The following EVL variants were observed in gnomAD, a reference collection of about 807,000 sequenced individuals.
The protein encoded by EVL is ena/VASP-like protein.
EVL carries 21 observed loss-of-function variants against 59.6 expected under a neutral mutation model. The ratio of observed to expected loss-of-function variants is 0.35; its 90% CI spans 0.25 to 0.51. EVL has a LOEUF of 0.51. Among genes scored for constraint, EVL ranks in the 20% least tolerant of loss-of-function variants. The probability of loss-of-function intolerance (pLI) is 0.97; values close to 1 mark genes in which losing one functional copy is unlikely to be tolerated. For missense variants in EVL, 462 were observed against 546.6 expected (o/e 0.85, Z 1.54); for synonymous variants, 198 against 203.5 (o/e 0.97, Z 0.23).
intron 2 of EVL, among the ~76,000 whole-genome samples, chr14:100,085,737 T>G (rs189770449): frequency 2.4e-4 from 36 of 152,272 alleles, no homozygotes; most frequent in African/African-American, 8.4e-4. Context: ...GTGTGTTGCC[T>G]GTTGATTGGG....
chr14:99,996,564 G>T (rs1335151061), intron 1 of EVL, among the ~76,000 whole-genome samples: 1 of 152,060 alleles, frequency 6.6e-6, no homozygotes, highest in Non-Finnish European at 1.5e-5. Context: ...TACATGCCAG[G>T]CATTGTTCTA....
At chr14:100,084,665 C>A in intron 1 of EVL, 22 bp from the exon 2 acceptor site, 1 of 1,612,252 alleles carries the variant, frequency 6.2e-7, no homozygotes, top group Non-Finnish European at 8.5e-7. Context: ...GAGGCTGACA[C>A]CAGTTTTTTC....
At chr14:100,012,768 G>T (rs540391802) in intron 1 of EVL, among the ~76,000 whole-genome samples, 1 of 152,206 alleles carries the variant, frequency 6.6e-6, no homozygotes, top group East Asian at 1.9e-4. Context: ...AGATGTTTTT[G>T]ATCTTGGCTC....
intron 3 of EVL, among the ~76,000 whole-genome samples, chr14:100,104,826 G>A (rs539673644): frequency 4.6e-5 from 7 of 151,072 alleles, no homozygotes; most frequent in South Asian, 2.1e-4. Context: ...ATAATCCCCC[G>A]CTGAGCTGCA....
intron 2 of EVL, among the ~76,000 whole-genome samples, chr14:100,087,810 C>T (rs901538606): frequency 2.6e-5 from 4 of 151,346 alleles, no homozygotes; most frequent in East Asian, 3.9e-4. Context: ...TCATTCTTCC[C>T]GCAGAATGCT....
chr14:100,080,499 A>G (rs1026397439), intron 1 of EVL, among the ~76,000 whole-genome samples: 7 of 152,236 alleles, frequency 4.6e-5, no homozygotes, highest in Admixed American at 3.9e-4. Flanking sequence ...AGATGAGGAA[A>G]CTGAGGCCTA....
At chr14:100,011,031 G>A (rs1383166112) in intron 1 of EVL, among the ~76,000 whole-genome samples, 2 of 152,200 alleles carry the variant, frequency 1.3e-5, no homozygotes, top group African/African-American at 4.8e-5. Flanking sequence ...AATTATTTAT[G>A]ATTGACTTTA....
chr14:100,116,317 G>C (rs1385675444), intron 3 of EVL, among the ~76,000 whole-genome samples: 1 of 152,168 alleles, frequency 6.6e-6, no homozygotes, highest in Non-Finnish European at 1.5e-5. Context: ...GCTCAGACCA[G>C]GTGGCTGTCG....
intron 3 of EVL, among the ~76,000 whole-genome samples, chr14:100,115,891 A>G (rs902443596): frequency 6.6e-5 from 10 of 152,228 alleles, no homozygotes; most frequent in African/African-American, 2.4e-4. Context: ...ATAGGGTTCA[A>G]CACTAGCTGC....
At position 100,133,703 on chromosome 14, in the gene EVL, C is replaced by T. The variant is rs150968901; in HGVS notation, c.900+924C>T. Among the ~76,000 whole-genome samples, 772 of 152,232 alleles carry T rather than the reference C, an allele frequency of 5.1e-3. 2 individuals are homozygous for T. Among genetic ancestry groups the T allele is most frequent in the African/African-American group, 0.018 (733 of 41,550 alleles). On this transcript the variant is annotated intron_variant, in intron 8 of 13. Coordinates refer to ENST00000392920, the MANE Select transcript of EVL (RefSeq NM_016337.3). Reference sequence around the variant, plus strand: ...TTGTAGTCCCAGCACTTTGGGAGGCCGAGGCAGACGGATCACCTGAGGTCA... The same window carrying T: ...TTGTAGTCCCAGCACTTTGGGAGGCTGAGGCAGACGGATCACCTGAGGTCA...
At chr14:100,099,865 G>A (rs1400311141) in intron 3 of EVL, among the ~76,000 whole-genome samples, 4 of 151,364 alleles carry the variant, frequency 2.6e-5, no homozygotes, top group South Asian at 2.1e-4. Flanking sequence ...GAGCCACTGC[G>A]CCCGGCCCAG....
rs567381968 is a variant in EVL, at chr14:100,102,869, G to A, written c.358+5211G>A. On this transcript the variant is annotated intron_variant, in intron 3 of 13. Coordinates refer to ENST00000392920, the MANE Select transcript of EVL (RefSeq NM_016337.3). ...TCCCACCACTTTGTGAGGCTGAGGC[G>A]GGCGGATCACAAGGTCAAGAGATCA... Among the ~76,000 whole-genome samples, 15 of 152,246 alleles carry A rather than the reference G, an allele frequency of 9.9e-5. No individual in the cohort carries two copies. In the East Asian group the frequency reaches 1.9e-3, roughly 20 times the overall value.
chr14:100,039,774 G>A (rs577124193), intron 1 of EVL, among the ~76,000 whole-genome samples: 1 of 152,166 alleles, frequency 6.6e-6, no homozygotes, highest in African/African-American at 2.4e-5. Flanking sequence ...TGGTGTGGCT[G>A]ACCCCATGAG....
chr14:100,121,258 G>C (rs1435901161), intron 3 of EVL, among the ~76,000 whole-genome samples: 2 of 152,224 alleles, frequency 1.3e-5, no homozygotes, highest in African/African-American at 4.8e-5. Flanking sequence ...GCCACCAGCA[G>C]TCTGCAGCAA....
chr14:100,113,345 G>T, intron 3 of EVL, among the ~76,000 whole-genome samples: 1 of 152,318 alleles, frequency 6.6e-6, no homozygotes, highest in Middle Eastern at 3.4e-3. Context: ...GCAAGTGAGA[G>T]CCAGGACTCA....
At chr14:100,085,777 A>G (rs1240103005) in intron 2 of EVL, among the ~76,000 whole-genome samples, 2 of 152,112 alleles carry the variant, frequency 1.3e-5, no homozygotes, top group Non-Finnish European at 2.9e-5. Flanking sequence ...AGCCCTATTA[A>G]GTTTCATGAT....
At chr14:99,976,179 C>CA (rs2060768949) in intron 1 of EVL, among the ~76,000 whole-genome samples, 1 of 144,482 alleles carries the variant, frequency 6.9e-6, no homozygotes, top group African/African-American at 2.7e-5. Context: ...CCATGGCCAG[C>CA]TTTTATTTAT....
intron 1 of EVL, among the ~76,000 whole-genome samples, chr14:99,998,902 G>A (rs1002030188): frequency 3.3e-5 from 5 of 152,082 alleles, no homozygotes; most frequent in Non-Finnish European, 7.4e-5. Flanking sequence ...AATGGTCTCT[G>A]AATCTCAAGA....
At chr14:100,037,842 C>G (rs2061410302) in intron 1 of EVL, among the ~76,000 whole-genome samples, 2 of 152,154 alleles carry the variant, frequency 1.3e-5, no homozygotes, top group Non-Finnish European at 2.9e-5. Flanking sequence ...TTCATTCATT[C>G]AGAGCTAGAC....
Sources: gnomAD v4.1 joint callset for allele counts (sites outside exome capture counted in the v4.1 genomes callset) on GRCh38, gnomAD v4.1.1 for gene constraint, MANE v1.5 for transcripts, NCBI Gene and HGNC (gene_info 2026-07-23, HGNC 2026-07-21) for gene names.